NAALADL2: variants seen among roughly 807,000 people sequenced by gnomAD.
NAALADL2 encodes N-acetylated alpha-linked acidic dipeptidase like 2, also known as inactive N-acetylated-alpha-linked acidic dipeptidase-like protein 2.
In NAALADL2, 76 loss-of-function variants were observed where a neutral mutation model predicts 87.2. The ratio of observed to expected loss-of-function variants is 0.87; its 90% CI spans 0.72 to 1.05. The LOEUF is 1.05. NAALADL2 is among the 50% of genes least tolerant of loss of function. The pLI, the probability that NAALADL2 is intolerant of heterozygous loss-of-function variation, is 0.00. For synonymous variants in NAALADL2, 354 were observed against 331.0 expected (o/e 1.07, Z -0.75); for missense variants, 1,089 against 945.8 (o/e 1.15, Z -1.99).
In NAALADL2 at chr3:174,616,300, A is replaced by G. The variant is rs971490646; in HGVS notation, c.-115+65663A>G. ...GATTACACTTAAGAAAGAGACAGAT[A>G]TACATAAATAGAAGGTACTAGAAGT... On this transcript the variant is annotated intron_variant, in intron 2 of 3. Coordinates refer to the NAALADL2 transcript ENST00000434257. Among the ~76,000 whole-genome samples the G allele has an allele frequency of 7.9e-5, 12 of 152,034 alleles. No homozygotes were observed. The East Asian group carries it at 2.1e-3, about 27-fold the overall frequency.
At chr3:175,062,104 G>GGTGTT (rs113685866) in intron 1 of NAALADL2, among the ~76,000 whole-genome samples, 38,317 of 151,750 alleles carry the variant, frequency 0.25, 7,641 homozygotes, top group African/African-American at 0.56. Context: ...GGAAAGAGAT[G>GGTGTT]GTGTTAACTT....
At chr3:175,349,975 ATGTT>A (rs953395461) in intron 5 of NAALADL2, among the ~76,000 whole-genome samples, 2 of 121,858 alleles carry the variant, frequency 1.6e-5, no homozygotes, top group African/African-American at 5.5e-5. Context: ...GTCTTCTTCT[ATGTT>A]TGTGACTCCT....
At chr3:175,395,782 T>C (rs1018535635) in intron 5 of NAALADL2, among the ~76,000 whole-genome samples, 1 of 152,208 alleles carries the variant, frequency 6.6e-6, no homozygotes, top group Non-Finnish European at 1.5e-5. Flanking sequence ...TTTTCAAATA[T>C]AACTTGCTAC....
At chr3:174,948,575 C>G (rs1579674870) in intron 1 of NAALADL2, among the ~76,000 whole-genome samples, 4 of 152,272 alleles carry the variant, frequency 2.6e-5, no homozygotes, top group Middle Eastern at 6.8e-3. Context: ...ACCAATCTTC[C>G]TAAAACTGAG....
At chr3:174,641,683 G>C (rs1442088336) in intron 2 of NAALADL2, among the ~76,000 whole-genome samples, 1 of 152,202 alleles carries the variant, frequency 6.6e-6, no homozygotes, top group Non-Finnish European at 1.5e-5. Context: ...AGACATCAAA[G>C]ATGAGAGGCC....
chr3:174,931,454 G>T (rs190492805), intron 1 of NAALADL2, among the ~76,000 whole-genome samples: 19 of 152,202 alleles, frequency 1.2e-4, no homozygotes, highest in African/African-American at 4.3e-4. Context: ...AAGATTAAAT[G>T]AGTTTAATTA....
intron 9 of NAALADL2, among the ~76,000 whole-genome samples, chr3:175,537,515 A>G (rs7653450): frequency 0.92 from 139,950 of 152,228 alleles, 64,436 homozygotes; most frequent in East Asian, 0.98. Flanking sequence ...TTATACAAAT[A>G]GCAACATTAA....
chr3:174,796,630 C>T (rs1417300698), intron 3 of NAALADL2, among the ~76,000 whole-genome samples: 2 of 101,808 alleles, frequency 2.0e-5, no homozygotes, highest in Non-Finnish European at 4.2e-5. Flanking sequence ...TGTGGATGGA[C>T]ACTTAGGTTG....
At chr3:175,415,605 C>T (rs1324909781) in intron 5 of NAALADL2, among the ~76,000 whole-genome samples, 1 of 152,020 alleles carries the variant, frequency 6.6e-6, no homozygotes, top group African/African-American at 2.4e-5. Flanking sequence ...GATACAAACT[C>T]ATACAGTAAT....
Position 174,588,729 on chromosome 3 carries a change from C to A in NAALADL2, c.-115+38092C>A, listed in dbSNP as rs181205726. 2.6e-5 allele frequency among the ~76,000 whole-genome samples: 4 copies of A among 152,308 alleles called. No individual in the cohort carries two copies. In the East Asian group the frequency reaches 5.8e-4, roughly 22 times the overall value. On this transcript the variant is annotated intron_variant, in intron 2 of 3. Transcript: ENST00000434257. ...TGGCAAATGTTGCTTCCTGATCCTT[C>A]CTCTGGAAGCTTCGTCTCAGAGGGG...
At chr3:175,376,307 T>G (rs528278066) in intron 5 of NAALADL2, among the ~76,000 whole-genome samples, 2 of 152,270 alleles carry the variant, frequency 1.3e-5, no homozygotes, top group African/African-American at 4.8e-5. Context: ...ATTCTTTTTT[T>G]CTGCTAAAAA....
chr3:175,486,543 C>T lies in NAALADL2; in HGVS notation c.1653+14785C>T, dbSNP rs574411149. ...ATTCATACTTCTGACTTCTGTTTTT[C>T]GTCATCTTCAGGCTGTGTGTGAACT... is the stretch of plus-strand genomic sequence containing the variant. On this transcript the variant is annotated intron_variant, in intron 9 of 13. Transcript: ENST00000454872. Among the ~76,000 whole-genome samples, 15 of 152,212 alleles carry T rather than the reference C, an allele frequency of 9.9e-5. No individual in the cohort carries two copies. The East Asian group carries it at 2.1e-3, about 22-fold the overall frequency.
chr3:175,667,703 T>C (rs1733387410), intron 11 of NAALADL2, among the ~76,000 whole-genome samples: 1 of 151,866 alleles, frequency 6.6e-6, no homozygotes, highest in South Asian at 2.1e-4. Context: ...TCTGCTATCC[T>C]TAGATGCTCA....
At chr3:174,489,429 G>A (rs745821510) in intron 1 of NAALADL2, among the ~76,000 whole-genome samples, 3 of 151,998 alleles carry the variant, frequency 2.0e-5, no homozygotes, top group Non-Finnish European at 2.9e-5. Context: ...CTTGGGCTCT[G>A]TGATGGTTTC....
chr3:175,177,821 A>G (rs1735902205), intron 2 of NAALADL2, among the ~76,000 whole-genome samples: 2 of 141,160 alleles, frequency 1.4e-5, no homozygotes, highest in East Asian at 2.2e-4. Flanking sequence ...TGATTTGCCC[A>G]GTGAGGTAGG....
At chr3:175,287,420 A>G (rs1300337525) in intron 4 of NAALADL2, among the ~76,000 whole-genome samples, 1 of 152,198 alleles carries the variant, frequency 6.6e-6, no homozygotes, top group Non-Finnish European at 1.5e-5. Flanking sequence ...TGCATACACC[A>G]TGCACTTTAT....
intron 2 of NAALADL2, among the ~76,000 whole-genome samples, chr3:175,226,422 C>T (rs1338402031): frequency 6.6e-6 from 1 of 152,050 alleles, no homozygotes; most frequent in Non-Finnish European, 1.5e-5. Flanking sequence ...ACAGTGCTTT[C>T]TAACACTCAT....
At chr3:175,145,210 C>G (rs1268292357) in intron 2 of NAALADL2, among the ~76,000 whole-genome samples, 1 of 152,020 alleles carries the variant, frequency 6.6e-6, no homozygotes, top group African/African-American at 2.4e-5. Flanking sequence ...TGATGACTCA[C>G]ATGGATCAAT....
intron 2 of NAALADL2, among the ~76,000 whole-genome samples, chr3:175,152,066 C>T (rs1731623866): frequency 6.6e-6 from 1 of 151,978 alleles, no homozygotes. Flanking sequence ...CTGGGTAATG[C>T]CTAAGTAGTC....
Sources: gnomAD v4.1 joint callset for allele counts (sites outside exome capture counted in the v4.1 genomes callset) on GRCh38, gnomAD v4.1.1 for gene constraint, MANE v1.5 for transcripts, NCBI Gene and HGNC (gene_info 2026-07-23, HGNC 2026-07-21) for gene names.